FHIT: variants seen among roughly 807,000 people sequenced by gnomAD.
The protein encoded by FHIT is bis(5'-adenosyl)-triphosphatase.
Under a neutral mutation model 17.9 loss-of-function variants are expected in FHIT, and 19 were observed. That is an observed-to-expected ratio of 1.06 (90% CI 0.74 to 1.56). FHIT has a LOEUF of 1.56. Ranked by LOEUF, FHIT falls within the 40% of genes most tolerant of loss-of-function variation. FHIT has a pLI of 0.00. For synonymous variants in FHIT, 81 were observed against 69.7 expected (o/e 1.16, Z -0.81); for missense variants, 248 against 189.2 (o/e 1.31, Z -1.82).
At chr3:60,878,660 C>T (rs887436941) in intron 3 of FHIT, among the ~76,000 whole-genome samples, 3 of 151,972 alleles carry the variant, frequency 2.0e-5, no homozygotes, top group Non-Finnish European at 1.5e-5. Flanking sequence ...CCACAACAGG[C>T]CCCGGTGTGT....
chr3:60,710,074 TAAAA>T (rs782196858), intron 4 of FHIT, among the ~76,000 whole-genome samples: 9 of 80,594 alleles, frequency 1.1e-4, no homozygotes, highest in African/African-American at 4.2e-4. Flanking sequence ...CACAGAATGC[TAAAA>T]AAAAAAAAAA....
chr3:60,024,026 T>C (rs1008678081), intron 5 of FHIT, among the ~76,000 whole-genome samples: 1 of 150,778 alleles, frequency 6.6e-6, no homozygotes, highest in Admixed American at 6.6e-5. Context: ...CTAATACAAA[T>C]GTAACATACC....
chr3:60,340,417 T>C (rs1710458514), intron 5 of FHIT, among the ~76,000 whole-genome samples: 1 of 152,182 alleles, frequency 6.6e-6, no homozygotes, highest in Non-Finnish European at 1.5e-5. Flanking sequence ...TGGGAGCCCA[T>C]GGCAGACAAT....
At chr3:60,871,518 A>G (rs1458326495) in intron 3 of FHIT, among the ~76,000 whole-genome samples, 1 of 152,216 alleles carries the variant, frequency 6.6e-6, no homozygotes, top group Non-Finnish European at 1.5e-5. Context: ...TATTAGGTAT[A>G]TAATGATACT....
rs530317300 is a variant in FHIT at position 60,355,477 on chromosome 3, GAA to G, written c.103+181381_103+181382del. 4.0e-3 allele frequency among the ~76,000 whole-genome samples: 568 copies of G among 140,254 alleles called. 3 individuals are homozygous for G. Among genetic ancestry groups the G allele is most frequent in the African/African-American group, 0.014 (543 of 38,338 alleles). 92.0% of individuals were successfully genotyped at this position (140,254 alleles called of 152,430 possible). Reference sequence around the variant, plus strand: ...TTACTAAACAGATGGCTTTATTTGAGAAAAAAAAAAGCAAAGCAAGAAAATGA... The same window carrying G: ...TTACTAAACAGATGGCTTTATTTGAGAAAAAAAAGCAAAGCAAGAAAATGA... On this transcript the variant is annotated intron_variant, in intron 5 of 9. Coordinates refer to ENST00000492590, the MANE Select transcript of FHIT (RefSeq NM_002012.4).
intron 4 of FHIT, among the ~76,000 whole-genome samples, chr3:60,752,658 A>T (rs1276837714): frequency 6.6e-6 from 1 of 152,184 alleles, no homozygotes; most frequent in East Asian, 1.9e-4. Context: ...GCTGTTTCCA[A>T]ATCCAATCAT....
chr3:60,631,367 C>T (rs1450577044), intron 4 of FHIT, among the ~76,000 whole-genome samples: 2 of 152,128 alleles, frequency 1.3e-5, no homozygotes, highest in Non-Finnish European at 2.9e-5. Context: ...TCCAGAGAGC[C>T]TAAAAACAAG....
In FHIT at chr3:60,502,691, T is replaced by C. The variant is rs146621429; in HGVS notation, c.103+34169A>G. On this transcript the variant is annotated intron_variant, in intron 5 of 9. Coordinates refer to ENST00000492590, the MANE Select transcript of FHIT (RefSeq NM_002012.4). ...CTCAATAGAACAGACAGCTAGATCC[T>C]AAACCCAATGGCAGTGACAAAACCG... Among the ~76,000 whole-genome samples, 1,105 of 152,296 alleles carry C rather than the reference T, an allele frequency of 7.3e-3. 12 individuals are homozygous for C. Among genetic ancestry groups the C allele is most frequent in the Middle Eastern group, 0.048 (14 of 294 alleles).
At chr3:60,102,387 T>C (rs908255892) in intron 5 of FHIT, among the ~76,000 whole-genome samples, 4 of 152,270 alleles carry the variant, frequency 2.6e-5, no homozygotes, top group Non-Finnish European at 4.4e-5. Flanking sequence ...AGGTGAGACA[T>C]GGAAGCAACG....
intron 4 of FHIT, among the ~76,000 whole-genome samples, chr3:60,660,769 C>T (rs1553690921): frequency 1.8e-5 from 1 of 54,338 alleles, no homozygotes; most frequent in Non-Finnish European, 3.7e-5. Context: ...CCATTCTCTT[C>T]AGTGAAATGT....
intron 7 of FHIT, among the ~76,000 whole-genome samples, chr3:59,962,301 T>C (rs889548091): frequency 9.9e-5 from 15 of 152,220 alleles, no homozygotes; most frequent in Admixed American, 2.6e-4. Flanking sequence ...TGGAAAATAC[T>C]TTATACTGCC....
At chr3:60,519,190 T>G (rs2035267966) in intron 5 of FHIT, among the ~76,000 whole-genome samples, 1 of 152,234 alleles carries the variant, frequency 6.6e-6, no homozygotes, top group African/African-American at 2.4e-5. Context: ...ATAGATGGTT[T>G]TTATTTTGTA....
chr3:60,210,601 G>A (rs1163724648), intron 5 of FHIT, among the ~76,000 whole-genome samples: 3 of 152,052 alleles, frequency 2.0e-5, no homozygotes, highest in Non-Finnish European at 2.9e-5. Flanking sequence ...AATATGAACT[G>A]ATTAGCTCAT....
At chr3:59,951,371 C>A (rs1193561822) in intron 7 of FHIT, among the ~76,000 whole-genome samples, 2 of 152,186 alleles carry the variant, frequency 1.3e-5, no homozygotes, top group Admixed American at 6.5e-5. Flanking sequence ...CACTCAGGGT[C>A]ATCTGAGTTG....
At chr3:60,457,366 C>T (rs867330531) in intron 5 of FHIT, among the ~76,000 whole-genome samples, 1 of 152,036 alleles carries the variant, frequency 6.6e-6, no homozygotes, top group African/African-American at 2.4e-5. Context: ...GCTGGGAAAA[C>T]CGGCTAGCCA....
intron 4 of FHIT, among the ~76,000 whole-genome samples, chr3:60,566,484 C>A (rs1465798566): frequency 1.3e-5 from 2 of 152,156 alleles, no homozygotes; most frequent in Non-Finnish European, 2.9e-5. Flanking sequence ...TATCTATGAC[C>A]AACCAACAGC....
At chr3:59,815,514 T>C (rs1037851521) in intron 8 of FHIT, among the ~76,000 whole-genome samples, 3 of 151,332 alleles carry the variant, frequency 2.0e-5, no homozygotes, top group African/African-American at 7.4e-5. Context: ...GATAAAGAAA[T>C]TGTGGTATAT....
chr3:59,755,281 A>AATGT (rs1701155417), intron 8 of FHIT, among the ~76,000 whole-genome samples: 1 of 152,122 alleles, frequency 6.6e-6, no homozygotes, highest in Non-Finnish European at 1.5e-5. Flanking sequence ...GCAGCCTTTG[A>AATGT]ATGTTTTTAA....
At chr3:59,972,338 G>A (rs1019139169) in intron 7 of FHIT, among the ~76,000 whole-genome samples, 1 of 152,132 alleles carries the variant, frequency 6.6e-6, no homozygotes, top group African/African-American at 2.4e-5. Flanking sequence ...CAACTCAAGT[G>A]TGTCTCTCAT....
Sources: allele counts gnomAD v4.1 joint callset (sites outside exome capture counted in the v4.1 genomes callset), GRCh38; gene constraint gnomAD v4.1.1; transcripts MANE v1.5; gene names NCBI Gene and HGNC (gene_info 2026-07-23, HGNC 2026-07-21).